ACBD5: variants seen among roughly 807,000 people sequenced by gnomAD.
ACBD5 encodes acyl-CoA binding domain containing 5.
In ACBD5, 40 loss-of-function variants were observed where a neutral mutation model predicts 71.8. The observed-to-expected ratio is 0.56, with a 90% CI of 0.43 to 0.72. The LOEUF (loss-of-function observed/expected upper bound fraction) is 0.72, where lower values mean the gene tolerates loss of function less well. Ranked by LOEUF, ACBD5 falls within the 30% of genes least tolerant of loss-of-function variation. ACBD5 has a pLI of 0.00. For synonymous variants in ACBD5, 229 were observed against 218.6 expected, an observed-to-expected ratio of 1.05 and a Z score of -0.42; for missense variants, 559 against 644.5, an observed-to-expected ratio of 0.87 and a Z score of 1.44.
intron 3 of ACBD5, among the ~76,000 whole-genome samples, chr10:27,233,721 A>G (rs1224516896): frequency 6.6e-6 from 1 of 151,906 alleles, no homozygotes; most frequent in Non-Finnish European, 1.5e-5. Context: ...CCTGTGTCCA[A>G]AAAAAAGGTG....
chr10:27,198,143 G>A (rs11598615), intron 12 of ACBD5, among the ~76,000 whole-genome samples: 102,957 of 152,124 alleles, frequency 0.68, 34,955 homozygotes, highest in Admixed American at 0.71. Flanking sequence ...TAATCAACAT[G>A]GATTATGTTT....
rs1476311184 is a variant in ACBD5, at chr10:27,196,409, T to C, written c.*1021A>G. On this transcript the variant is annotated 3_prime_UTR_variant, in exon 13 of 13. Transcript: ENST00000396271. ...CATGCCTTATTCCTATGGAAGCATTTGGCCCGTTAGCTTGCAAATCCCTCC... is the reference window on the plus strand; with the variant it reads ...CATGCCTTATTCCTATGGAAGCATTCGGCCCGTTAGCTTGCAAATCCCTCC... 2.2e-6 allele frequency: 1 copy of C among 454,304 alleles called. No homozygotes were observed. Among genetic ancestry groups the C allele is most frequent in the Non-Finnish European group, 4.4e-6 (1 of 226,798 alleles). 28.1% of individuals were successfully genotyped at this position (454,304 alleles called of 1,614,324 possible). A position where few individuals can be genotyped will look rare whatever the true frequency, so the allele number is the denominator to read the frequency against.
intron 2 of ACBD5, among the ~76,000 whole-genome samples, chr10:27,236,980 T>C (rs2064800885): frequency 6.6e-6 from 1 of 151,766 alleles, no homozygotes; most frequent in Admixed American, 6.6e-5. Context: ...GCATAATTAA[T>C]TCTCAAATCA....
At chr10:27,237,800 T>C (rs952936626) in intron 2 of ACBD5, among the ~76,000 whole-genome samples, 6 of 151,720 alleles carry the variant, frequency 4.0e-5, no homozygotes, top group Non-Finnish European at 8.8e-5. Context: ...TTTGTATTTT[T>C]AGTAGAAGTG....
intron 10 of ACBD5, 36 bp downstream of exon 10, chr10:27,208,210 T>C (rs777129981): frequency 7.5e-6 from 12 of 1,598,348 alleles, no homozygotes; most frequent in Non-Finnish European, 1.0e-5. Context: ...CCAGAATCAA[T>C]AAGCACAAGA....
At position 27,212,293 on chromosome 10, in the gene ACBD5, G is replaced by A. The variant is rs527591792; in HGVS notation, c.937-1212C>T. Among the ~76,000 whole-genome samples the A allele has an allele frequency of 5.3e-5, 8 of 152,318 alleles. No homozygotes were observed. The South Asian group carries it at 1.7e-3, about 32-fold the overall frequency. On this transcript the variant is annotated intron_variant, in intron 8 of 12. Transcript: ENST00000396271. ...GAACCCAGGAGGTGGAGGTTGCAGTGAGCCCAGATTGTGCCACTGCACTCC... is the reference window on the plus strand; with the variant it reads ...GAACCCAGGAGGTGGAGGTTGCAGTAAGCCCAGATTGTGCCACTGCACTCC...
rs1303479620 is a variant in ACBD5 at position 27,218,205 on chromosome 10, G to C, written c.626-22C>G. ...TTATCTTTTACGAGAAAATGGGAAA[G>C]ATTCATAAAAGTTCACAGTAGGTCA... On this transcript the variant is annotated intron_variant, in intron 6 of 12. Transcript: ENST00000396271. The C allele has an allele frequency of 3.8e-6, 6 of 1,593,862 alleles. No individual in the cohort carries two copies. The Admixed American group carries it at 1.0e-4, about 27-fold the overall frequency.
chr10:27,237,619 A>AGCTT (rs1211560776), intron 2 of ACBD5, among the ~76,000 whole-genome samples: 100 of 76,400 alleles, frequency 1.3e-3, no homozygotes, highest in Non-Finnish European at 2.1e-3. Flanking sequence ...TTGATAGGAT[A>AGCTT]TCTTTTTTTT....
intron 12 of ACBD5, among the ~76,000 whole-genome samples, chr10:27,198,881 C>T (rs531885361): frequency 2.8e-4 from 42 of 152,202 alleles, no homozygotes; most frequent in African/African-American, 9.1e-4. Flanking sequence ...GAGGCCGAGG[C>T]GGGCGGATCA....
At chr10:27,202,926 A>G (rs1417216585) in intron 12 of ACBD5, among the ~76,000 whole-genome samples, 2 of 150,568 alleles carry the variant, frequency 1.3e-5, no homozygotes, top group African/African-American at 4.9e-5. Flanking sequence ...TTGAAAATGT[A>G]TAGAAGAAGA....
At chr10:27,222,102 CG>C (rs2062425126) in intron 5 of ACBD5, among the ~76,000 whole-genome samples, 2 of 151,712 alleles carry the variant, frequency 1.3e-5, no homozygotes, top group Non-Finnish European at 2.9e-5. Flanking sequence ...GGTTTATGAC[CG>C]TGACAAGGAC....
At chr10:27,218,765 T>C (rs1013963552) in intron 6 of ACBD5, among the ~76,000 whole-genome samples, 1 of 152,010 alleles carries the variant, frequency 6.6e-6, no homozygotes, top group Non-Finnish European at 1.5e-5. Context: ...TTTGTATTTT[T>C]AGTAGAGACG....
In ACBD5 at chr10:27,189,925, C is replaced by T. The variant is rs147443544; in HGVS notation, c.1494-7210G>A. Among the ~76,000 whole-genome samples, 15 of 152,056 alleles carry T rather than the reference C, an allele frequency of 9.9e-5. No individual in the cohort carries two copies. In the East Asian group the frequency reaches 2.7e-3, roughly 27 times the overall value. ...GAAAAATGCAAAATAATAGATGTGA[C>T]TTGTTTTCCTTTGGAGCTCCAAAAT... is the stretch of plus-strand genomic sequence containing the variant. On this transcript the variant is annotated intron_variant, in intron 13 of 13. Transcript: ENST00000676511.
At chr10:27,239,934 G>A (rs2065254340) in intron 2 of ACBD5, among the ~76,000 whole-genome samples, 1 of 152,166 alleles carries the variant, frequency 6.6e-6, no homozygotes, top group African/African-American at 2.4e-5. Flanking sequence ...TTTTAGTAGA[G>A]ACGGGGTTTC....
upstream of ACBD5, among the ~76,000 whole-genome samples, chr10:27,241,555 C>G (rs2065495146): frequency 1.3e-5 from 2 of 152,038 alleles, no homozygotes; most frequent in South Asian, 4.1e-4. Flanking sequence ...GCACCTCCAG[C>G]GGGATTTAAT....
intron 7 of ACBD5, among the ~76,000 whole-genome samples, chr10:27,216,392 T>C (rs762672183): frequency 6.6e-6 from 1 of 152,014 alleles, no homozygotes; most frequent in South Asian, 2.1e-4. Context: ...CCGCCTGCCT[T>C]AGCCTCCCAA....
chr10:27,203,962 A>G (rs2060197868), intron 12 of ACBD5, among the ~76,000 whole-genome samples: 1 of 151,604 alleles, frequency 6.6e-6, no homozygotes, highest in Admixed American at 6.6e-5. Context: ...CACAAACCAT[A>G]AAATTTAAAA....
intron 6 of ACBD5, among the ~76,000 whole-genome samples, chr10:27,218,616 C>T (rs1257328436): frequency 1.3e-5 from 2 of 150,736 alleles, no homozygotes; most frequent in Non-Finnish European, 2.9e-5. Context: ...GACAAAGTCT[C>T]GCTCTGTCAC....
At chr10:27,194,630 T>TAAGAAG (rs756738184), downstream of ACBD5, among the ~76,000 whole-genome samples, 17 of 143,892 alleles carry the variant, frequency 1.2e-4, no homozygotes, top group African/African-American at 4.3e-4. Context: ...ATAATAATAA[T>TAAGAAG]AATAATAATA....
Sources: gnomAD v4.1 joint callset for allele counts (sites outside exome capture counted in the v4.1 genomes callset) on GRCh38, gnomAD v4.1.1 for gene constraint, MANE v1.5 for transcripts, NCBI Gene and HGNC (gene_info 2026-07-23, HGNC 2026-07-21) for gene names.